The following HHAT variants were observed in gnomAD, a reference collection of about 807,000 sequenced individuals.
HHAT encodes the protein protein-cysteine N-palmitoyltransferase HHAT.
A neutral mutation model predicts 70.8 loss-of-function variants in HHAT; 47 were observed. That is an observed-to-expected ratio of 0.66 (90% confidence interval 0.53 to 0.85). The LOEUF is 0.85. Among genes scored for constraint, HHAT ranks in the 40% least tolerant of loss-of-function variants. The pLI is 0.00. For synonymous variants in HHAT, 228 were observed against 247.6 expected, an observed-to-expected ratio of 0.92 and a Z score of 0.74; for missense variants, 609 against 604.8, an observed-to-expected ratio of 1.01 and a Z score of -0.07.
rs1040265794 is a variant in HHAT at position 210,674,585 on chromosome 1, C to T, written c.*206C>T. 1.3e-5 allele frequency: 7 copies of T among 548,052 alleles called. No individual in the cohort carries two copies. The African/African-American group carries it at 1.3e-4, about 10-fold the overall frequency. 33.9% of individuals were successfully genotyped at this position (548,052 alleles called of 1,614,324 possible). ...CTGGAGTCTTTGAGATCTTCTACCC[C>T]AACTCATCATTTTCCTATTGAGGAA... On this transcript the variant is annotated 3_prime_UTR_variant, in exon 12 of 12. Transcript: ENST00000261458.
intron 1 of HHAT, among the ~76,000 whole-genome samples, chr1:210,340,245 A>T (rs201005673): frequency 1.8e-5 from 1 of 55,498 alleles, no homozygotes; most frequent in Non-Finnish European, 3.2e-5. Flanking sequence ...TGTCTCAGAA[A>T]AAAAAAAAAA....
intron 2 of HHAT, among the ~76,000 whole-genome samples, chr1:210,358,077 C>A (rs2087842065): frequency 6.6e-6 from 1 of 152,164 alleles, no homozygotes; most frequent in Admixed American, 6.5e-5. Context: ...TGACATGGGG[C>A]AGAGCCTAGG....
intron 1 of HHAT, among the ~76,000 whole-genome samples, chr1:210,342,146 C>T (rs2086094115): frequency 6.6e-6 from 1 of 151,944 alleles, no homozygotes; most frequent in Admixed American, 6.6e-5. Flanking sequence ...GGCTTGGTTC[C>T]AGCACTCTCT....
At chr1:210,342,928 T>A (rs919065354) in intron 1 of HHAT, among the ~76,000 whole-genome samples, 2 of 152,104 alleles carry the variant, frequency 1.3e-5, no homozygotes, top group Non-Finnish European at 2.9e-5. Context: ...ACAGCTGAAA[T>A]AAACAGGGAA....
At position 210,494,713 on chromosome 1, in the gene HHAT, C is replaced by T. The variant is rs982014246; in HGVS notation, c.1008-18440C>T. On this transcript the variant is annotated intron_variant, in intron 8 of 11. Transcript: ENST00000261458. ...ATTACAGGTGTGTGCACCACCATGC[C>T]TGGCTAATTTTTTGTTTTTGGTAGA... Among the ~76,000 whole-genome samples, 5 of 151,858 alleles carry T rather than the reference C, an allele frequency of 3.3e-5. No individual in the cohort carries two copies. The East Asian group carries it at 9.7e-4, about 30-fold the overall frequency.
At chr1:210,352,377 A>G (rs1482602219) in intron 2 of HHAT, among the ~76,000 whole-genome samples, 4 of 152,218 alleles carry the variant, frequency 2.6e-5, no homozygotes, top group African/African-American at 4.8e-5. Context: ...AACTGATACA[A>G]TGTTGAGCCT....
intron 10 of HHAT, among the ~76,000 whole-genome samples, chr1:210,605,012 T>TCAA (rs66718127): frequency 0.053 from 7,962 of 150,682 alleles, 180 homozygotes; most frequent in Non-Finnish European, 0.058. Context: ...TGGGCAAGAC[T>TCAA]CAACAACAAC....
At chr1:210,328,695 C>A (rs567174618), upstream of HHAT, among the ~76,000 whole-genome samples, 12 of 152,354 alleles carry the variant, frequency 7.9e-5, no homozygotes, top group South Asian at 1.4e-3. Flanking sequence ...GCAATGAACA[C>A]ACGGGTGGGG....
intron 9 of HHAT, among the ~76,000 whole-genome samples, chr1:210,536,345 G>A (rs2095371654): frequency 6.6e-6 from 1 of 152,232 alleles, no homozygotes; most frequent in South Asian, 2.1e-4. Context: ...GAGTTTCAGA[G>A]CATCTTTTCA....
chr1:210,581,446 G>A (rs571161982), intron 9 of HHAT, among the ~76,000 whole-genome samples: 228 of 152,322 alleles, frequency 1.5e-3, no homozygotes, highest in Non-Finnish European at 2.7e-3. Flanking sequence ...CAGCTCTGTA[G>A]AGAAGAGAAA....
At chr1:210,586,820 G>A (rs1444917931) in intron 9 of HHAT, among the ~76,000 whole-genome samples, 1 of 152,166 alleles carries the variant, frequency 6.6e-6, no homozygotes, top group East Asian at 1.9e-4. Flanking sequence ...CTCAAGGTGT[G>A]AGTTTTGTCC....
chr1:210,410,684 G>C (rs1349329354), intron 6 of HHAT, among the ~76,000 whole-genome samples: 1 of 151,772 alleles, frequency 6.6e-6, no homozygotes, highest in African/African-American at 2.4e-5. Context: ...CTGCCACCAC[G>C]CCCAGCTAAT....
At chr1:210,472,649 A>G (rs746102698) in intron 8 of HHAT, among the ~76,000 whole-genome samples, 24 of 152,220 alleles carry the variant, frequency 1.6e-4, no homozygotes, top group Non-Finnish European at 3.5e-4. Context: ...AAATATTTAA[A>G]GAGGTTTATT....
chr1:210,664,844 A>G (rs1678551193), intron 11 of HHAT, among the ~76,000 whole-genome samples: 1 of 152,106 alleles, frequency 6.6e-6, no homozygotes, highest in South Asian at 2.1e-4. Context: ...CATTCTTTTA[A>G]TGTCAGGTAT....
intron 11 of HHAT, among the ~76,000 whole-genome samples, chr1:210,649,800 G>C (rs868281160): frequency 6.6e-6 from 1 of 152,180 alleles, no homozygotes; most frequent in African/African-American, 2.4e-5. Flanking sequence ...AATGCTGAAG[G>C]GGTCATAGGT....
At position 210,617,146 on chromosome 1, in the gene HHAT, A is replaced by G. The variant is rs1179441418; in HGVS notation, c.1246-6380A>G. ...CTGACATTAAGCTGGGGCTTGAAGA[A>G]TAAGGAAGATGCATTCAAAGTAGAG... On this transcript the variant is annotated intron_variant, in intron 10 of 11. Transcript: ENST00000261458. Among the ~76,000 whole-genome samples the G allele has an allele frequency of 3.3e-5, 5 of 152,246 alleles. No homozygotes were observed. The East Asian group carries it at 9.6e-4, about 29-fold the overall frequency.
intron 11 of HHAT, among the ~76,000 whole-genome samples, chr1:210,668,969 T>G (rs1679517857): frequency 6.6e-6 from 1 of 152,132 alleles, no homozygotes; most frequent in Non-Finnish European, 1.5e-5. Flanking sequence ...GAGAAGGGGT[T>G]TCACTATGTT....
At chr1:210,517,526 G>A (rs1297455026) in intron 9 of HHAT, among the ~76,000 whole-genome samples, 15 of 152,188 alleles carry the variant, frequency 9.9e-5, no homozygotes, top group Admixed American at 9.8e-4. Flanking sequence ...CATGGAAACA[G>A]TAGAATGGTA....
intron 4 of HHAT, among the ~76,000 whole-genome samples, chr1:210,398,659 C>T (rs964254286): frequency 6.6e-6 from 1 of 152,172 alleles, no homozygotes; most frequent in Non-Finnish European, 1.5e-5. Flanking sequence ...TTAATAAAAA[C>T]ATAACTGTGT....
Sources: allele counts gnomAD v4.1 joint callset (sites outside exome capture counted in the v4.1 genomes callset), GRCh38; gene constraint gnomAD v4.1.1; transcripts MANE v1.5; gene names NCBI Gene and HGNC (gene_info 2026-07-23, HGNC 2026-07-21).